Variants in XYLB observed in about 807,000 individuals in gnomAD.
XYLB encodes the protein xylulokinase, also known as xylulose kinase.
XYLB carries 62 observed loss-of-function variants against 78.7 expected under a neutral mutation model. The ratio of observed to expected loss-of-function variants is 0.79; its 90% confidence interval spans 0.64 to 0.97. The LOEUF (loss-of-function observed/expected upper bound fraction) is 0.97, where lower values mean the gene tolerates loss of function less well. XYLB is among the 50% of genes least tolerant of loss of function. The probability of loss-of-function intolerance (pLI) is 0.00; values close to 1 mark genes in which losing one functional copy is unlikely to be tolerated. For synonymous variants in XYLB, 245 were observed against 247.4 expected (o/e 0.99, Z 0.09); for missense variants, 687 against 676.8 (o/e 1.02, Z -0.17).
intron 18 of XYLB, among the ~76,000 whole-genome samples, chr3:38,403,356 A>G (rs967608876): frequency 1.3e-5 from 2 of 152,110 alleles, no homozygotes; most frequent in Admixed American, 1.3e-4. Flanking sequence ...AGCTTTTGAA[A>G]TTTGGTGTGC....
chr3:38,431,285 G>A, the XYLB span, among the ~76,000 whole-genome samples: 1 of 152,108 alleles, frequency 6.6e-6, no homozygotes, highest in African/African-American at 2.4e-5. Flanking sequence ...TTGGAAGTTG[G>A]ATTCCTAGGT....
intron 15 of XYLB, among the ~76,000 whole-genome samples, chr3:38,391,360 T>C (rs1707647958): frequency 6.6e-6 from 1 of 152,198 alleles, no homozygotes; most frequent in South Asian, 2.1e-4. Context: ...GTATTATAAT[T>C]TCCCTGGAAT....
chr3:38,348,489 C>A (rs1017025038), intron 1 of XYLB, 61 bp from the exon 2 acceptor site: 3 of 1,540,116 alleles, frequency 1.9e-6, no homozygotes, highest in African/African-American at 2.7e-5. Context: ...CGTTAGTACC[C>A]CCTGGACCAG....
intron 18 of XYLB, among the ~76,000 whole-genome samples, chr3:38,409,116 G>A (rs903428183): frequency 8.5e-5 from 13 of 152,128 alleles, no homozygotes; most frequent in African/African-American, 2.2e-4. Flanking sequence ...TCCTTGATGA[G>A]CATTGATGCA....
At position 38,365,732 on chromosome 3, in the gene XYLB, A is replaced by G. The variant is rs759256182; in HGVS notation, c.503A>G (p.Tyr168Cys). The part of the protein sequence containing the change: ...ALSCLTGSRA[Y>C]ERFTGNQIAK... ...AGCTGCCTCACGGGGTCCCGTGCCTATGAGGTAGGCTGAGGATGCGGGGGG... is the reference window on the plus strand; with the variant it reads ...AGCTGCCTCACGGGGTCCCGTGCCTGTGAGGTAGGCTGAGGATGCGGGGGG... The change falls in exon 6 of 19, where the codon TAT becomes TGT. Residue 168 changes from tyrosine (Y) to cysteine (C), a missense_variant. Coordinates refer to ENST00000207870, the MANE Select transcript of XYLB (RefSeq NM_005108.4). 14 of 1,612,344 alleles carry G rather than the reference A, an allele frequency of 8.7e-6. No individual in the cohort carries two copies. In the South Asian group the frequency reaches 1.2e-4, roughly 14 times the overall value.
At chr3:38,450,846 A>G in the XYLB span, among the ~76,000 whole-genome samples, 28 of 152,248 alleles carry the variant, frequency 1.8e-4, no homozygotes, top group African/African-American at 6.8e-4. Flanking sequence ...CAGTCCAGAT[A>G]TAAGACAATG....
At chr3:38,407,139 T>C (rs1352400953) in intron 18 of XYLB, among the ~76,000 whole-genome samples, 2 of 148,240 alleles carry the variant, frequency 1.3e-5, no homozygotes, top group Admixed American at 1.4e-4. Flanking sequence ...GAGAGAAAGG[T>C]CGGGTTACCC....
At chr3:38,405,800 A>C (rs1039025839) in intron 18 of XYLB, among the ~76,000 whole-genome samples, 2 of 152,236 alleles carry the variant, frequency 1.3e-5, no homozygotes, top group Admixed American at 6.5e-5. Flanking sequence ...GCAGTCTGAG[A>C]TCAAACTGCA....
chr3:38,368,096 T>G, intron 7 of XYLB, 89 bp from the exon 8 acceptor site: 1 of 1,322,152 alleles, frequency 7.6e-7, no homozygotes. Flanking sequence ...CCTCTCCAAT[T>G]TTTTTTCATG....
the XYLB span, among the ~76,000 whole-genome samples, chr3:38,450,179 A>C: frequency 6.6e-6 from 1 of 152,182 alleles, no homozygotes; most frequent in African/African-American, 2.4e-5. Context: ...CACTACAGTG[A>C]ATGTCTAACC....
intron 17 of XYLB, 100 bp downstream of exon 17, chr3:38,397,259 G>T: frequency 4.3e-6 from 5 of 1,153,750 alleles, no homozygotes; most frequent in South Asian, 1.3e-5. Flanking sequence ...CCAGTCTTTG[G>T]GGACATTGGA....
At chr3:38,363,276 C>G (rs1220806757) in intron 4 of XYLB, among the ~76,000 whole-genome samples, 1 of 152,156 alleles carries the variant, frequency 6.6e-6, no homozygotes, top group African/African-American at 2.4e-5. Context: ...AACTGAGTTC[C>G]TCTGAAGGGG....
At position 38,363,022 on chromosome 3, in the gene XYLB, GT is replaced by G; in HGVS notation, c.291+8del. On this transcript the variant is annotated splice_donor_region_variant and intron_variant, in intron 4 of 18. Coordinates refer to ENST00000207870, the MANE Select transcript of XYLB (RefSeq NM_005108.4). ...GCCTTGTCCGGGGCGGGCCAGGTTC[GT>G]TTGCAGCAGACTCTGTCTGCCATGT... is the stretch of plus-strand genomic sequence containing the variant. The G allele has an allele frequency of 6.5e-7, 1 of 1,540,148 alleles. No individual in the cohort carries two copies. The highest frequency in any genetic ancestry group is 8.8e-7 in the Non-Finnish European group (1 of 1,139,004).
At chr3:38,435,444 G>T in the XYLB span, among the ~76,000 whole-genome samples, 1 of 152,062 alleles carries the variant, frequency 6.6e-6, no homozygotes, top group Non-Finnish European at 1.5e-5. Flanking sequence ...TATTCATAAA[G>T]CAAATATTAT....
downstream of XYLB, among the ~76,000 whole-genome samples, chr3:38,424,674 G>A (rs1344175671): frequency 2.6e-5 from 4 of 152,132 alleles, no homozygotes; most frequent in South Asian, 2.1e-4. Flanking sequence ...AGGTGCTGAC[G>A]GTTTTGAGAT....
intron 15 of XYLB, among the ~76,000 whole-genome samples, chr3:38,387,954 C>A (rs1484555609): frequency 3.3e-5 from 5 of 152,032 alleles, no homozygotes; most frequent in Admixed American, 6.5e-5. Context: ...ATTTTACTGC[C>A]ATTTCCTGCT....
At chr3:38,365,357 G>T in intron 5 of XYLB, 72 bp downstream of exon 5, 2 of 1,518,928 alleles carry the variant, frequency 1.3e-6, no homozygotes, top group Admixed American at 1.7e-5. Flanking sequence ...CCTGAAGCCT[G>T]CTCATCTCAG....
At chr3:38,431,479 G>A in the XYLB span, among the ~76,000 whole-genome samples, 4 of 152,176 alleles carry the variant, frequency 2.6e-5, no homozygotes, top group Admixed American at 2.0e-4. Context: ...CTAAACATAC[G>A]ATCATGTCGC....
At chr3:38,366,384 T>G (rs1185643394) in intron 6 of XYLB, among the ~76,000 whole-genome samples, 1 of 152,112 alleles carries the variant, frequency 6.6e-6, no homozygotes. Context: ...AGTCCTGATG[T>G]GGGAGAGGCC....
Sources: gnomAD v4.1 joint callset for allele counts (sites outside exome capture counted in the v4.1 genomes callset) on GRCh38, gnomAD v4.1.1 for gene constraint, MANE v1.5 for transcripts, NCBI Gene and HGNC (gene_info 2026-07-23, HGNC 2026-07-21) for gene names.